Variants in ST18 observed in about 807,000 individuals in gnomAD.
ST18 encodes the protein ST18 C2H2C-type zinc finger transcription factor.
ST18 carries 50 observed loss-of-function variants against 110.0 expected under a neutral mutation model. The ratio of observed to expected loss-of-function variants is 0.45; its 90% CI spans 0.36 to 0.58. The LOEUF (loss-of-function observed/expected upper bound fraction) is 0.58, where lower values mean the gene tolerates loss of function less well. Among genes scored for constraint, ST18 ranks in the 20% least tolerant of loss-of-function variants. The pLI, the probability that ST18 is intolerant of heterozygous loss-of-function variation, is 0.00. For synonymous variants in ST18, 461 were observed against 452.4 expected, an observed-to-expected ratio of 1.02 and a Z score of -0.24; for missense variants, 1,306 against 1,280.1, an observed-to-expected ratio of 1.02 and a Z score of -0.31.
At chr8:52,151,613 G>A (rs970998524) in intron 15 of ST18, among the ~76,000 whole-genome samples, 2 of 152,104 alleles carry the variant, frequency 1.3e-5, no homozygotes, top group African/African-American at 2.4e-5. Context: ...TGCCACGTGT[G>A]CTCTCTCTCC....
intron 2 of ST18, among the ~76,000 whole-genome samples, chr8:52,277,336 T>C (rs1461170735): frequency 6.6e-6 from 1 of 152,200 alleles, no homozygotes; most frequent in African/African-American, 2.4e-5. Flanking sequence ...AAACCACCTC[T>C]AGTCCTCTCC....
intron 2 of ST18, among the ~76,000 whole-genome samples, chr8:52,402,555 C>T (rs181736863): frequency 5.9e-5 from 9 of 152,200 alleles, no homozygotes; most frequent in African/African-American, 2.2e-4. Context: ...AGAGAGCAGG[C>T]GACAGCTGCA....
chr8:52,358,473 A>C (rs1564570507), intron 2 of ST18, among the ~76,000 whole-genome samples: 1 of 151,978 alleles, frequency 6.6e-6, no homozygotes, highest in African/African-American at 2.4e-5. Flanking sequence ...ATAAGAAATG[A>C]GAGAAGACTC....
At chr8:52,309,154 T>TG (rs1449748805) in intron 2 of ST18, among the ~76,000 whole-genome samples, 2 of 150,962 alleles carry the variant, frequency 1.3e-5, no homozygotes, top group Non-Finnish European at 2.9e-5. Context: ...GCTGAGGGAG[T>TG]GAGGGTGGTG....
chr8:52,164,212 G>A (rs2062234173), intron 12 of ST18, 122 bp from the exon 13 acceptor site: 1 of 780,966 alleles, frequency 1.3e-6, no homozygotes, highest in Admixed American at 2.2e-5. Context: ...AGTTCACTTA[G>A]CACCACGCAC....
intron 2 of ST18, among the ~76,000 whole-genome samples, chr8:52,377,920 A>G (rs1833030466): frequency 6.6e-6 from 1 of 152,252 alleles, no homozygotes; most frequent in South Asian, 2.1e-4. Context: ...TCAGCCATAA[A>G]AAAGAATAAG....
chr8:52,351,190 T>C (rs1820161847), intron 2 of ST18, among the ~76,000 whole-genome samples: 1 of 152,196 alleles, frequency 6.6e-6, no homozygotes, highest in Admixed American at 6.5e-5. Context: ...TGGTATGAAA[T>C]GGATCATTTC....
chr8:52,324,356 T>C (rs1805349542), intron 2 of ST18, among the ~76,000 whole-genome samples: 1 of 152,006 alleles, frequency 6.6e-6, no homozygotes, highest in Non-Finnish European at 1.5e-5. Flanking sequence ...AATGGATGAA[T>C]AGACATATAG....
intron 2 of ST18, among the ~76,000 whole-genome samples, chr8:52,336,451 GCTT>G (rs1812126106): frequency 6.6e-6 from 1 of 152,108 alleles, no homozygotes; most frequent in South Asian, 2.1e-4. Flanking sequence ...ACACCAGCCT[GCTT>G]CTTGGATTAT....
chr8:52,225,050 C>T (rs915873925), intron 3 of ST18, among the ~76,000 whole-genome samples: 14 of 152,128 alleles, frequency 9.2e-5, no homozygotes, highest in African/African-American at 2.9e-4. Flanking sequence ...CAATAACTTC[C>T]GGTTTTCACT....
intron 15 of ST18, among the ~76,000 whole-genome samples, chr8:52,158,456 T>A (rs2060552597): frequency 6.6e-6 from 1 of 152,232 alleles, no homozygotes. Context: ...ATTTCATGGG[T>A]CAATTTTGCA....
chr8:52,400,522 T>C (rs1286263224), intron 2 of ST18, among the ~76,000 whole-genome samples: 1 of 152,106 alleles, frequency 6.6e-6, no homozygotes, highest in Admixed American at 6.5e-5. Flanking sequence ...GTTGTCTGCC[T>C]TTGTGATTTG....
intron 23 of ST18, among the ~76,000 whole-genome samples, chr8:52,123,020 C>T (rs1312553631): frequency 6.6e-6 from 1 of 152,128 alleles, no homozygotes; most frequent in African/African-American, 2.4e-5. Flanking sequence ...ATCATAACTT[C>T]TGCTTGTTTC....
At chr8:52,373,115 G>A (rs992962106) in intron 2 of ST18, among the ~76,000 whole-genome samples, 2 of 152,048 alleles carry the variant, frequency 1.3e-5, no homozygotes, top group Non-Finnish European at 2.9e-5. Flanking sequence ...GAGCTGCTCC[G>A]CTTACACCTC....
intron 2 of ST18, among the ~76,000 whole-genome samples, chr8:52,363,740 T>G (rs1167311344): frequency 6.6e-6 from 1 of 151,298 alleles, no homozygotes; most frequent in South Asian, 2.1e-4. Flanking sequence ...ATTCAAGTGG[T>G]TTTTTTTTCC....
At chr8:52,141,617 A>G (rs991049444) in intron 17 of ST18, among the ~76,000 whole-genome samples, 2 of 149,790 alleles carry the variant, frequency 1.3e-5, no homozygotes, top group South Asian at 4.2e-4. Flanking sequence ...GGGGAAGCAC[A>G]GTAGCCTGAA....
chr8:52,171,106 A>G (rs553041870), intron 10 of ST18, among the ~76,000 whole-genome samples: 1 of 152,324 alleles, frequency 6.6e-6, no homozygotes, highest in East Asian at 1.9e-4. Flanking sequence ...CATTCTAGGC[A>G]CTAAGGACTG....
intron 2 of ST18, among the ~76,000 whole-genome samples, chr8:52,293,538 G>A (rs2095587680): frequency 6.6e-6 from 1 of 152,102 alleles, no homozygotes; most frequent in Non-Finnish European, 1.5e-5. Context: ...CTGTCCCTCG[G>A]GTCAGTAGCC....
chr8:52,253,966 A>T (rs2094437050), intron 2 of ST18, among the ~76,000 whole-genome samples: 1 of 123,994 alleles, frequency 8.1e-6, no homozygotes, highest in East Asian at 2.4e-4. Context: ...AGAGAGTGAA[A>T]GTGTGAGAGA....
Sources: gnomAD v4.1 joint callset for allele counts (sites outside exome capture counted in the v4.1 genomes callset) on GRCh38, gnomAD v4.1.1 for gene constraint, MANE v1.5 for transcripts, NCBI Gene and HGNC (gene_info 2026-07-23, HGNC 2026-07-21) for gene names.